TXNRD3: variants seen among roughly 807,000 people sequenced by gnomAD.
TXNRD3 encodes the protein thioredoxin reductase 3.
A neutral mutation model predicts 78.2 loss-of-function variants in TXNRD3; 68 were observed. The observed-to-expected ratio is 0.87, with a 90% CI of 0.72 to 1.06. The LOEUF is 1.06. Ranked by LOEUF, TXNRD3 falls within the 50% of genes least tolerant of loss-of-function variation. The pLI, the probability that TXNRD3 is intolerant of heterozygous loss-of-function variation, is 0.00. For missense variants in TXNRD3, 751 were observed against 809.5 expected (o/e 0.93, Z 0.88); for synonymous variants, 296 against 300.1 (o/e 0.99, Z 0.14).
chr3:126,633,028 A>T (rs1245057405), intron 7 of TXNRD3, among the ~76,000 whole-genome samples: 1 of 152,182 alleles, frequency 6.6e-6, no homozygotes, highest in Non-Finnish European at 1.5e-5. Context: ...ATATAATTCA[A>T]ATTGGCCCAT....
chr3:126,644,714 A>C (rs1933187273), intron 3 of TXNRD3, among the ~76,000 whole-genome samples: 1 of 152,254 alleles, frequency 6.6e-6, no homozygotes, highest in African/African-American at 2.4e-5. Context: ...TCTAATTATC[A>C]AAATATTATA....
chr3:126,623,022 T>C (rs1452522198), intron 10 of TXNRD3, among the ~76,000 whole-genome samples: 1 of 152,200 alleles, frequency 6.6e-6, no homozygotes, highest in Non-Finnish European at 1.5e-5. Context: ...ACCTTGATCT[T>C]AGACTTCCAG....
chr3:126,647,957 G>A lies in TXNRD3; in HGVS notation c.244-661C>T, dbSNP rs961401826. Among the ~76,000 whole-genome samples, 11 of 152,144 alleles carry A rather than the reference G, an allele frequency of 7.2e-5. No individual in the cohort carries two copies. The East Asian group carries it at 7.7e-4, about 11-fold the overall frequency. On this transcript the variant is annotated intron_variant, in intron 1 of 15. Coordinates refer to ENST00000524230, the MANE Select transcript of TXNRD3 (RefSeq NM_052883.3). ...GTTCACAGACAACATGATCTCATGC[G>A]TAGAAAACCTAAAGATTTCACAGAC...
intron 9 of TXNRD3, 60 bp downstream of exon 9, chr3:126,630,652 G>GT: frequency 2.1e-6 from 3 of 1,427,224 alleles, no homozygotes; most frequent in Non-Finnish European, 2.9e-6. Context: ...ATGAAATGAA[G>GT]TAAGGTGAGA....
Position 126,654,981 on chromosome 3 carries a change from A to G in TXNRD3, c.10T>C (p.Ser4Pro). 1 of 1,300,340 alleles carries G rather than the reference A, an allele frequency of 7.7e-7. No individual in the cohort carries two copies. The highest frequency in any genetic ancestry group is 9.7e-7 in the Non-Finnish European group (1 of 1,028,988). The allele number at this position is 1,300,340 out of a possible 1,614,324, so 80.6% of individuals were successfully genotyped here. ...CCCGGCCCGGGCGACTGCGGCGGCG[A>G]CCGCTCCAGAGTCTCGCTCTCGCTC... The change falls in exon 1 of 16, where the codon TCG becomes CCG. Residue 4 changes from serine to proline, a missense_variant. Transcript: ENST00000524230.
At chr3:126,623,323 G>C (rs1938499818) in intron 10 of TXNRD3, among the ~76,000 whole-genome samples, 1 of 152,178 alleles carries the variant, frequency 6.6e-6, no homozygotes, top group African/African-American at 2.4e-5. Flanking sequence ...AAGAGAAAAA[G>C]GGAGTACTTC....
In TXNRD3 at chr3:126,622,444, A is replaced by C; in HGVS notation, c.1367+20T>G. The C allele has an allele frequency of 6.6e-7, 1 of 1,513,822 alleles. No individual in the cohort carries two copies. Among genetic ancestry groups the C allele is most frequent in the Non-Finnish European group, 8.8e-7 (1 of 1,130,122 alleles). 93.8% of individuals were successfully genotyped at this position (1,513,822 alleles called of 1,614,324 possible). A position where few individuals can be genotyped will look rare whatever the true frequency, so the allele number is the denominator to read the frequency against. ...CTGTTGCTTTGTGCAGCAACAGTGC[A>C]GTGATCCCAATATACTTACTTCTCA... On this transcript the variant is annotated intron_variant, in intron 11 of 15. Coordinates refer to ENST00000524230, the MANE Select transcript of TXNRD3 (RefSeq NM_052883.3).
intron 2 of TXNRD3, among the ~76,000 whole-genome samples, chr3:126,646,502 T>G (rs1192340268): frequency 6.6e-6 from 1 of 152,218 alleles, no homozygotes; most frequent in Non-Finnish European, 1.5e-5. Context: ...AAGAGCCCTC[T>G]TTAAAGAGCA....
At chr3:126,650,387 A>G (rs140333989) in intron 1 of TXNRD3, among the ~76,000 whole-genome samples, 1 of 113,536 alleles carries the variant, frequency 8.8e-6, no homozygotes, top group East Asian at 2.4e-4. Flanking sequence ...TCACACCTGT[A>G]ATCCCAGCTC....
At chr3:126,611,568 C>T (rs1291524095) in intron 13 of TXNRD3, among the ~76,000 whole-genome samples, 1 of 152,192 alleles carries the variant, frequency 6.6e-6, no homozygotes, top group African/African-American at 2.4e-5. Flanking sequence ...TTTAGAGCTC[C>T]AGAACCCAGC....
intron 5 of TXNRD3, among the ~76,000 whole-genome samples, chr3:126,642,871 C>A (rs1933128637): frequency 6.6e-6 from 1 of 151,920 alleles, no homozygotes; most frequent in African/African-American, 2.4e-5. Flanking sequence ...AAAAAATCTG[C>A]CAGAAAATTT....
At chr3:126,648,210 A>G (rs1933287678) in intron 1 of TXNRD3, among the ~76,000 whole-genome samples, 1 of 152,266 alleles carries the variant, frequency 6.6e-6, no homozygotes, top group South Asian at 2.1e-4. Flanking sequence ...AATGTTGCTG[A>G]AAGGAATTAA....
intron 7 of TXNRD3, 39 bp from the exon 8 acceptor site, chr3:126,631,918 A>T: frequency 7.3e-7 from 1 of 1,371,752 alleles, no homozygotes. Flanking sequence ...AGCAAACACT[A>T]CAGAGTACCA....
In TXNRD3 at chr3:126,654,751, A is replaced by G. The variant is rs1345120751; in HGVS notation, c.240T>C (p.Thr80=). The G allele has an allele frequency of 1.5e-6, 2 of 1,366,994 alleles. No individual in the cohort carries two copies. The highest frequency in any genetic ancestry group is 1.9e-6 in the Non-Finnish European group (2 of 1,058,568). The allele number at this position is 1,366,994 out of a possible 1,614,324, so 84.7% of individuals were successfully genotyped here. The stretch of plus-strand genomic sequence containing the variant: ...AACCGGCGAGGGCCGCGCCTACCCG[A>G]GTACTATGGGGACAGTAGCTCTTGC... The change falls in exon 1 of 16, where the codon ACT becomes ACC. Residue 80 remains threonine (T), a synonymous_variant. Coordinates refer to ENST00000524230, the MANE Select transcript of TXNRD3 (RefSeq NM_052883.3).
intron 14 of TXNRD3, 60 bp downstream of exon 14, chr3:126,610,977 C>T: frequency 9.2e-7 from 1 of 1,083,084 alleles, no homozygotes; most frequent in South Asian, 1.9e-5. Context: ...AATCCAAATA[C>T]TAAAAATAAA....
chr3:126,631,661 T>C, intron 8 of TXNRD3, 103 bp downstream of exon 8: 1 of 727,290 alleles, frequency 1.4e-6, no homozygotes, highest in Non-Finnish European at 2.3e-6. Context: ...TTTTCATTTG[T>C]TAATTCAAAT....
intron 1 of TXNRD3, among the ~76,000 whole-genome samples, chr3:126,649,085 A>C (rs1417537002): frequency 1.3e-5 from 2 of 152,212 alleles, no homozygotes; most frequent in Admixed American, 6.5e-5. Context: ...GTATTTGCAA[A>C]TCACATATAT....
chr3:126,654,673 A>C, intron 1 of TXNRD3, 75 bp downstream of exon 1: 1 of 1,056,820 alleles, frequency 9.5e-7, no homozygotes. Context: ...CCCGGCCCGG[A>C]CCCGCCCTGC....
At chr3:126,637,932 C>CTTTTTTTTTTTTTTTTTTTTTTTTT (rs71615916) in intron 6 of TXNRD3, among the ~76,000 whole-genome samples, 1 of 60,192 alleles carries the variant, frequency 1.7e-5, no homozygotes, top group Non-Finnish European at 2.8e-5. Flanking sequence ...ATTTCTCTCT[C>CTTTTTTTTTTTTTTTTTTTTTTTTT]TTTTTTTTTT....
Sources: allele counts gnomAD v4.1 joint callset (sites outside exome capture counted in the v4.1 genomes callset), GRCh38; gene constraint gnomAD v4.1.1; transcripts MANE v1.5; gene names NCBI Gene and HGNC (gene_info 2026-07-23, HGNC 2026-07-21).